The following ADAM12 variants were observed in gnomAD, a reference collection of about 807,000 sequenced individuals.
The protein encoded by ADAM12 is disintegrin and metalloproteinase domain-containing protein 12.
Under a neutral mutation model 106.4 loss-of-function variants are expected in ADAM12, and 70 were observed. The observed-to-expected ratio is 0.66, with a 90% CI of 0.54 to 0.80. ADAM12 has a LOEUF of 0.80. Ranked by LOEUF, ADAM12 falls within the 30% of genes least tolerant of loss-of-function variation. ADAM12 has a pLI of 0.00. For synonymous variants in ADAM12, 420 were observed against 433.5 expected (o/e 0.97, Z 0.39); for missense variants, 1,010 against 1,171.9 (o/e 0.86, Z 2.02).
At chr10:126,138,817 C>CTTT (rs71486579) in intron 4 of ADAM12, among the ~76,000 whole-genome samples, 1 of 127,940 alleles carries the variant, frequency 7.8e-6, no homozygotes, top group Admixed American at 7.7e-5. Flanking sequence ...CTACACATAT[C>CTTT]TTTTTCTTTT....
intron 3 of ADAM12, among the ~76,000 whole-genome samples, chr10:126,167,748 G>A (rs1203141824): frequency 6.6e-6 from 1 of 152,186 alleles, no homozygotes; most frequent in Non-Finnish European, 1.5e-5. Context: ...TCTTGCCCTG[G>A]ACTGCAAGTG....
At chr10:126,051,545 CCATCCATCCATCCATCCATCCAT>C (rs2133444579) in intron 14 of ADAM12, among the ~76,000 whole-genome samples, 1 of 56,930 alleles carries the variant, frequency 1.8e-5, no homozygotes, top group South Asian at 9.9e-4. Flanking sequence ...ACCCATCCAT[CCATCCATCCATCCATCCATCCAT>C]CCATCCATCC....
At chr10:126,052,607 G>A (rs1412412162) in intron 14 of ADAM12, among the ~76,000 whole-genome samples, 1 of 152,178 alleles carries the variant, frequency 6.6e-6, no homozygotes, top group African/African-American at 2.4e-5. Context: ...AGCAGCCTGG[G>A]AGGAGAGTTG....
chr10:126,144,267 T>G (rs1300578587), intron 4 of ADAM12, among the ~76,000 whole-genome samples: 1 of 152,212 alleles, frequency 6.6e-6, no homozygotes, highest in East Asian at 1.9e-4. Context: ...GGGTTGAGTC[T>G]CTCAGTTTTT....
intron 2 of ADAM12, among the ~76,000 whole-genome samples, chr10:126,294,769 C>T (rs761311843): frequency 6.6e-5 from 10 of 152,256 alleles, no homozygotes; most frequent in South Asian, 6.2e-4. Context: ...GATATCATGT[C>T]ATACAGAGAT....
At chr10:126,275,998 A>C (rs1273085121) in intron 3 of ADAM12, among the ~76,000 whole-genome samples, 1 of 152,214 alleles carries the variant, frequency 6.6e-6, no homozygotes, top group African/African-American at 2.4e-5. Flanking sequence ...CACTAGCAGG[A>C]AACAACTATT....
At chr10:126,060,770 GA>G (rs1954737492) in intron 14 of ADAM12, among the ~76,000 whole-genome samples, 3 of 152,200 alleles carry the variant, frequency 2.0e-5, no homozygotes, top group African/African-American at 7.2e-5. Context: ...TATTGTGAAG[GA>G]TTCACATCCG....
At chr10:126,068,444 T>C (rs1462033690) in intron 12 of ADAM12, among the ~76,000 whole-genome samples, 1 of 152,230 alleles carries the variant, frequency 6.6e-6, no homozygotes, top group African/African-American at 2.4e-5. Flanking sequence ...AATGCAGCCA[T>C]GCCAAATGGC....
At chr10:126,378,290 T>C (rs1361909617) in intron 1 of ADAM12, among the ~76,000 whole-genome samples, 6 of 152,218 alleles carry the variant, frequency 3.9e-5, no homozygotes, top group Admixed American at 3.9e-4. Context: ...GTAATTCACT[T>C]GTAATAGGTT....
chr10:126,237,093 G>A (rs1233006493), intron 3 of ADAM12, among the ~76,000 whole-genome samples: 4 of 152,078 alleles, frequency 2.6e-5, no homozygotes, highest in African/African-American at 7.2e-5. Context: ...ATGCGTCTAC[G>A]TTAATTAACA....
intron 1 of ADAM12, among the ~76,000 whole-genome samples, chr10:126,346,370 C>T (rs1217775668): frequency 6.6e-6 from 1 of 152,190 alleles, no homozygotes; most frequent in African/African-American, 2.4e-5. Flanking sequence ...AGTTTGATTG[C>T]ACTGTGGTCT....
rs1197603010 is a variant in ADAM12 at position 126,015,138 on chromosome 10, A to G, written c.*2141T>C. 2.6e-5 allele frequency: 4 copies of G among 152,364 alleles called. No homozygotes were observed. The highest frequency in any genetic ancestry group is 1.9e-4 in the East Asian group (1 of 5,196). 9.4% of individuals were successfully genotyped at this position (152,364 alleles called of 1,614,324 possible). A position where few individuals can be genotyped will look rare whatever the true frequency, so the allele number is the denominator to read the frequency against. ...TAGAGATAAGAATGTGTCATCAGCC[A>G]TGGCCCCTAAGTGGCCATTGATGAC... On this transcript the variant is annotated 3_prime_UTR_variant, in exon 23 of 23. Transcript: ENST00000448723.
intron 3 of ADAM12, among the ~76,000 whole-genome samples, chr10:126,192,255 C>T (rs776869482): frequency 6.6e-6 from 1 of 152,154 alleles, no homozygotes; most frequent in Non-Finnish European, 1.5e-5. Context: ...CTTATGAGAA[C>T]TGCATGAGTT....
chr10:126,310,074 G>A (rs545295770), intron 2 of ADAM12, among the ~76,000 whole-genome samples: 9 of 151,610 alleles, frequency 5.9e-5, no homozygotes, highest in African/African-American at 1.5e-4. Flanking sequence ...CAGGAGAATC[G>A]CTTGAACCCA....
At chr10:126,035,946 T>TA (rs1371863666) in intron 21 of ADAM12, among the ~76,000 whole-genome samples, 200 bp downstream of exon 21, 1 of 143,896 alleles carries the variant, frequency 6.9e-6, no homozygotes, top group African/African-American at 2.5e-5. Context: ...AATTAAAATA[T>TA]ATGACACTCT....
chr10:126,216,463 G>T (rs552908157), intron 3 of ADAM12, among the ~76,000 whole-genome samples: 1 of 152,076 alleles, frequency 6.6e-6, no homozygotes, highest in Non-Finnish European at 1.5e-5. Context: ...TCTCAATTTC[G>T]CCCCTGCCAA....
At position 126,333,919 on chromosome 10, in the gene ADAM12, G is replaced by A. The variant is rs189536891; in HGVS notation, c.89-3410C>T. 2.8e-4 allele frequency among the ~76,000 whole-genome samples: 42 copies of A among 152,326 alleles called. No individual in the cohort carries two copies. In the East Asian group the frequency reaches 6.0e-3, roughly 22 times the overall value. ...GTGCAACCTTTTTGAGAAATTGAGT[G>A]ACTGCACAATTTGCTGAGTACGGTA... On this transcript the variant is annotated intron_variant, in intron 1 of 22. Transcript: ENST00000448723.
At chr10:126,037,285 CTT>C (rs34515487) in intron 20 of ADAM12, among the ~76,000 whole-genome samples, 8 of 136,282 alleles carry the variant, frequency 5.9e-5, no homozygotes, top group South Asian at 2.3e-4. Flanking sequence ...TAAGGCTGTG[CTT>C]TTTTTTTTTT....
At chr10:126,387,987 G>T (rs1021857218) in intron 1 of ADAM12, 71 bp downstream of exon 1, 16 of 1,184,544 alleles carry the variant, frequency 1.4e-5, no homozygotes, top group Non-Finnish European at 1.7e-5. Context: ...CCTGGACCTC[G>T]GCGCGCCCAG....
Sources: allele counts gnomAD v4.1 joint callset (sites outside exome capture counted in the v4.1 genomes callset), GRCh38; gene constraint gnomAD v4.1.1; transcripts MANE v1.5; gene names NCBI Gene and HGNC (gene_info 2026-07-23, HGNC 2026-07-21).